ZNF385D: variants seen among roughly 807,000 people sequenced by gnomAD.
ZNF385D encodes the protein zinc finger protein 385D.
ZNF385D carries 15 observed loss-of-function variants against 35.8 expected under a neutral mutation model. That is an observed-to-expected ratio of 0.42 (90% CI 0.28 to 0.64). The LOEUF is 0.64. Among genes scored for constraint, ZNF385D ranks in the 30% least tolerant of loss-of-function variants. ZNF385D has a pLI of 0.23. For missense variants in ZNF385D, 474 were observed against 494.6 expected (o/e 0.96, Z 0.39); for synonymous variants, 212 against 186.8 (o/e 1.13, Z -1.10).
chr3:22,213,919 G>A (rs144743353), intron 2 of ZNF385D, among the ~76,000 whole-genome samples: 292 of 152,060 alleles, frequency 1.9e-3, no homozygotes, highest in African/African-American at 6.7e-3. Flanking sequence ...TTTATAAAGC[G>A]AGCAATAAAA....
intron 7 of ZNF385D, among the ~76,000 whole-genome samples, chr3:21,423,759 A>G (rs1296475873): frequency 6.6e-6 from 1 of 152,208 alleles, no homozygotes; most frequent in African/African-American, 2.4e-5. Context: ...ACTTACATCA[A>G]GACCAGATTT....
chr3:21,614,622 A>G (rs1395250105), intron 2 of ZNF385D, among the ~76,000 whole-genome samples: 1 of 152,096 alleles, frequency 6.6e-6, no homozygotes, highest in African/African-American at 2.4e-5. Context: ...ATGGAGTCTC[A>G]CTATGTCACA....
intron 2 of ZNF385D, among the ~76,000 whole-genome samples, chr3:22,337,198 A>T (rs1307684519): frequency 6.6e-6 from 1 of 152,054 alleles, no homozygotes; most frequent in Non-Finnish European, 1.5e-5. Flanking sequence ...TATGCTCATT[A>T]TAAGAATGGA....
intron 3 of ZNF385D, among the ~76,000 whole-genome samples, chr3:21,826,035 T>C (rs570780560): frequency 6.6e-6 from 1 of 152,236 alleles, no homozygotes; most frequent in East Asian, 1.9e-4. Context: ...CTTCTTCCCC[T>C]CAACCCCCCA....
intron 5 of ZNF385D, chr3:21,436,749 A>C (rs1041720607): frequency 1.2e-5 from 6 of 519,382 alleles, no homozygotes; most frequent in Admixed American, 7.2e-5. Context: ...AATAACACAC[A>C]CATACACACA....
intron 2 of ZNF385D, among the ~76,000 whole-genome samples, chr3:22,275,347 GGCT>G (rs1450294384): frequency 6.6e-6 from 1 of 152,082 alleles, no homozygotes. Flanking sequence ...GGAAGATAAT[GGCT>G]GCTAACACAT....
At chr3:21,481,388 A>T (rs1448832227) in intron 4 of ZNF385D, among the ~76,000 whole-genome samples, 1 of 152,194 alleles carries the variant, frequency 6.6e-6, no homozygotes, top group African/African-American at 2.4e-5. Flanking sequence ...GGGTCAACAG[A>T]GTAGACTGTA....
intron 4 of ZNF385D, among the ~76,000 whole-genome samples, chr3:21,473,157 C>T (rs747411138): frequency 1.3e-5 from 2 of 151,988 alleles, no homozygotes; most frequent in African/African-American, 4.8e-5. Context: ...CTGATGGCTT[C>T]CTATTGTTTT....
chr3:21,734,669 T>G (rs1324360104), intron 1 of ZNF385D, among the ~76,000 whole-genome samples: 2 of 152,026 alleles, frequency 1.3e-5, no homozygotes, highest in African/African-American at 4.8e-5. Context: ...AAATAAAACT[T>G]CAAGGTAAAT....
chr3:22,261,113 ATCCAT>A, intron 2 of ZNF385D, among the ~76,000 whole-genome samples: 1 of 151,040 alleles, frequency 6.6e-6, no homozygotes, highest in South Asian at 2.1e-4. Context: ...CCATCCATCC[ATCCAT>A]CCATCCATCT....
chr3:21,634,196 C>CA (rs1226503905), intron 2 of ZNF385D, among the ~76,000 whole-genome samples: 2 of 142,864 alleles, frequency 1.4e-5, no homozygotes, highest in African/African-American at 2.6e-5. Context: ...GAACCTGTCT[C>CA]AAAAAAATAG....
chr3:21,992,314 C>T (rs1695197141), intron 3 of ZNF385D, among the ~76,000 whole-genome samples: 1 of 151,798 alleles, frequency 6.6e-6, no homozygotes, highest in Non-Finnish European at 1.5e-5. Context: ...GTTCTGCAGG[C>T]AAAACATACA....
chr3:21,971,493 A>G lies in ZNF385D; in HGVS notation c.325+197324T>C, dbSNP rs1703254728. Among the ~76,000 whole-genome samples, 5 of 151,952 alleles carry G rather than the reference A, an allele frequency of 3.3e-5. No individual in the cohort carries two copies. The South Asian group carries it at 1.0e-3, about 31-fold the overall frequency. On this transcript the variant is annotated intron_variant, in intron 3 of 5. Transcript: ENST00000494108. ...AAAAATAATGGATACACAAAAATAAAAAGTAAAAGATGAAAATATACCACT... is the reference window on the plus strand; with the variant it reads ...AAAAATAATGGATACACAAAAATAAGAAGTAAAAGATGAAAATATACCACT...
chr3:22,164,455 T>C (rs987811636), intron 3 of ZNF385D, among the ~76,000 whole-genome samples: 10 of 151,652 alleles, frequency 6.6e-5, no homozygotes, highest in African/African-American at 1.9e-4. Context: ...TCTCGATCTC[T>C]TGACCTCGTG....
At chr3:22,069,407 C>G (rs73139324) in intron 3 of ZNF385D, among the ~76,000 whole-genome samples, 1 of 151,904 alleles carries the variant, frequency 6.6e-6, no homozygotes, top group African/African-American at 2.4e-5. Context: ...GTGTTGGCCT[C>G]GGGGTGGGGA....
intron 3 of ZNF385D, among the ~76,000 whole-genome samples, chr3:21,786,966 T>C (rs367580994): frequency 2.6e-5 from 4 of 152,164 alleles, no homozygotes; most frequent in South Asian, 2.1e-4. Context: ...AAGAAAATAG[T>C]GTGAATTGAA....
intron 3 of ZNF385D, among the ~76,000 whole-genome samples, chr3:22,105,096 G>A (rs952005395): frequency 1.2e-4 from 18 of 152,088 alleles, no homozygotes; most frequent in Non-Finnish European, 2.2e-4. Flanking sequence ...TAGGGGCCAA[G>A]ATAAGTATTC....
chr3:22,275,517 A>T (rs751482660), intron 2 of ZNF385D, among the ~76,000 whole-genome samples: 1 of 152,108 alleles, frequency 6.6e-6, no homozygotes, highest in Admixed American at 6.6e-5. Flanking sequence ...AAGAAATAAA[A>T]CTGCATCTTA....
chr3:22,365,974 G>C (rs1221766119), intron 2 of ZNF385D, among the ~76,000 whole-genome samples: 1 of 152,000 alleles, frequency 6.6e-6, no homozygotes, highest in Non-Finnish European at 1.5e-5. Context: ...ATTAGTTGGG[G>C]ATTCAGGATT....
Sources: allele counts gnomAD v4.1 joint callset (sites outside exome capture counted in the v4.1 genomes callset), GRCh38; gene constraint gnomAD v4.1.1; transcripts MANE v1.5; gene names NCBI Gene and HGNC (gene_info 2026-07-23, HGNC 2026-07-21).